The following GFRA1 variants were observed in gnomAD, a reference collection of about 807,000 sequenced individuals.
The protein encoded by GFRA1 is GDNF family receptor alpha-1.
A neutral mutation model predicts 51.6 loss-of-function variants in GFRA1; 16 were observed. The ratio of observed to expected loss-of-function variants is 0.31; its 90% CI spans 0.21 to 0.47. GFRA1 has a LOEUF of 0.47. Ranked by LOEUF, GFRA1 falls within the 20% of genes least tolerant of loss-of-function variation. The pLI, the probability that GFRA1 is intolerant of heterozygous loss-of-function variation, is 1.00. For missense variants in GFRA1, 530 were observed against 594.3 expected (o/e 0.89, Z 1.13); for synonymous variants, 270 against 241.3 (o/e 1.12, Z -1.10).
rs140274061 is a variant in GFRA1, at chr10:116,229,033, G to A, written c.419-17388C>T. On this transcript the variant is annotated intron_variant, in intron 4 of 10. Transcript: ENST00000355422. The stretch of plus-strand genomic sequence containing the variant: ...GAAAGGCAGGTGGCCTCTAGAAAAC[G>A]GAAAAGGCAAGGAGACAGATTCTCC... Among the ~76,000 whole-genome samples the A allele has an allele frequency of 7.2e-3, 997 of 138,320 alleles. 10 individuals carry two copies. The highest frequency in any genetic ancestry group is 0.019 in the Admixed American group (256 of 13,252). The allele number at this position is 138,320 out of a possible 152,430, so 90.7% of individuals were successfully genotyped here.
intron 5 of GFRA1, among the ~76,000 whole-genome samples, chr10:116,183,793 C>T (rs1011030357): frequency 6.6e-6 from 1 of 152,234 alleles, no homozygotes; most frequent in African/African-American, 2.4e-5. Flanking sequence ...CATCTCTGCC[C>T]ACTTACTGAT....
At chr10:116,109,659 C>G (rs542683992) in intron 6 of GFRA1, among the ~76,000 whole-genome samples, 1 of 152,244 alleles carries the variant, frequency 6.6e-6, no homozygotes, top group African/African-American at 2.4e-5. Flanking sequence ...TCCCCGGGCC[C>G]ACGGGGAGAA....
In GFRA1 at chr10:116,194,058, AT is replaced by A. The variant is rs1241557003; in HGVS notation, c.433+17572del. Among the ~76,000 whole-genome samples, 32 of 50,596 alleles carry A rather than the reference AT, an allele frequency of 6.3e-4. No homozygotes were observed. In the South Asian group the frequency reaches 0.011, roughly 17 times the overall value. 33.2% of individuals were successfully genotyped at this position (50,596 alleles called of 152,430 possible). On this transcript the variant is annotated intron_variant, in intron 5 of 10. Coordinates refer to ENST00000355422, the MANE Select transcript of GFRA1 (RefSeq NM_005264.8). ...CGTCTCAATAAAAAAAAATAAATAA[AT>A]AAAATTTAAAAAAAAAAAAAAAAGG...
chr10:116,160,966 C>T (rs1959711965), intron 5 of GFRA1, among the ~76,000 whole-genome samples: 1 of 152,196 alleles, frequency 6.6e-6, no homozygotes, highest in Non-Finnish European at 1.5e-5. Context: ...AAAGCAGAAA[C>T]CAGGACATAC....
At chr10:116,137,488 C>T (rs1417656004) in intron 5 of GFRA1, among the ~76,000 whole-genome samples, 2 of 152,190 alleles carry the variant, frequency 1.3e-5, no homozygotes, top group East Asian at 1.9e-4. Flanking sequence ...CCTTCACCTG[C>T]TTCCCAATTA....
intron 4 of GFRA1, among the ~76,000 whole-genome samples, chr10:116,239,105 A>C (rs1177121830): frequency 6.6e-6 from 1 of 152,234 alleles, no homozygotes; most frequent in Non-Finnish European, 1.5e-5. Context: ...CAATTAACGA[A>C]CAAAAATCTC....
chr10:116,178,408 C>T (rs1023457674), intron 5 of GFRA1, among the ~76,000 whole-genome samples: 4 of 152,108 alleles, frequency 2.6e-5, no homozygotes, highest in Non-Finnish European at 5.9e-5. Context: ...TGTCTCTTGG[C>T]CAGATGCCAA....
At chr10:116,238,602 C>G (rs1023001329) in intron 4 of GFRA1, among the ~76,000 whole-genome samples, 1 of 152,176 alleles carries the variant, frequency 6.6e-6, no homozygotes, top group Non-Finnish European at 1.5e-5. Flanking sequence ...GGATAATAAG[C>G]AATATTTATT....
intron 5 of GFRA1, among the ~76,000 whole-genome samples, chr10:116,189,948 G>A (rs3781545): frequency 0.15 from 22,273 of 151,940 alleles, 1,961 homozygotes; most frequent in Admixed American, 0.26. Context: ...AGCTCTCTAT[G>A]AGAAGACAAA....
intron 5 of GFRA1, among the ~76,000 whole-genome samples, chr10:116,151,818 C>CT (rs1959075777): frequency 6.6e-6 from 1 of 152,140 alleles, no homozygotes; most frequent in Non-Finnish European, 1.5e-5. Context: ...AGTTTAGATA[C>CT]TAGTGGAAGA....
chr10:116,159,031 C>T lies in GFRA1; in HGVS notation c.434-33474G>A, dbSNP rs560666804. ...AACGGTGCTTTACCATCCTCTAAGT[C>T]ATCAGGCGTGATACAGCCACATTTT... On this transcript the variant is annotated intron_variant, in intron 5 of 10. Coordinates refer to ENST00000355422, the MANE Select transcript of GFRA1 (RefSeq NM_005264.8). Among the ~76,000 whole-genome samples, 8 of 152,340 alleles carry T rather than the reference C, an allele frequency of 5.3e-5. No homozygotes were observed. The South Asian group carries it at 1.7e-3, about 32-fold the overall frequency.
At position 116,198,760 on chromosome 10, in the gene GFRA1, A is replaced by G. The variant is rs181140146; in HGVS notation, c.433+12871T>C. Among the ~76,000 whole-genome samples, 206 of 152,234 alleles carry G rather than the reference A, an allele frequency of 1.4e-3. 1 individual carries two copies. Among genetic ancestry groups the G allele is most frequent in the African/African-American group, 4.7e-3 (194 of 41,540 alleles). ...TGATGCTTCTCTTTTATTGTGGGCCACCCAGGTTGGCTGGTCATCCATCTG... is the reference window on the plus strand; with the variant it reads ...TGATGCTTCTCTTTTATTGTGGGCCGCCCAGGTTGGCTGGTCATCCATCTG... On this transcript the variant is annotated intron_variant, in intron 5 of 10. Coordinates refer to ENST00000355422, the MANE Select transcript of GFRA1 (RefSeq NM_005264.8).
chr10:116,213,891 A>G (rs193258083), intron 4 of GFRA1, among the ~76,000 whole-genome samples: 169 of 152,262 alleles, frequency 1.1e-3, no homozygotes, highest in African/African-American at 3.4e-3. Context: ...CAAAAACATC[A>G]CCATTTCTTT....
At chr10:116,147,396 G>A (rs1348623312) in intron 5 of GFRA1, among the ~76,000 whole-genome samples, 1 of 152,136 alleles carries the variant, frequency 6.6e-6, no homozygotes, top group Non-Finnish European at 1.5e-5. Flanking sequence ...ATTGGTTGGA[G>A]CTGGTGGTTC....
intron 5 of GFRA1, among the ~76,000 whole-genome samples, chr10:116,208,000 G>A (rs1964915884): frequency 6.6e-6 from 1 of 152,008 alleles, no homozygotes; most frequent in Non-Finnish European, 1.5e-5. Flanking sequence ...TTTTAAATGT[G>A]AATAAGACCA....
chr10:116,221,452 T>A (rs1178436489), intron 4 of GFRA1, among the ~76,000 whole-genome samples: 1 of 151,992 alleles, frequency 6.6e-6, no homozygotes, highest in Non-Finnish European at 1.5e-5. Flanking sequence ...AAAGACAGAG[T>A]CTCACTCTGT....
At chr10:116,124,509 G>C (rs939711294) in intron 6 of GFRA1, among the ~76,000 whole-genome samples, 1 of 152,184 alleles carries the variant, frequency 6.6e-6, no homozygotes. Context: ...GAGATTTCAG[G>C]CGTGAGCCAC....
At chr10:116,223,749 G>T (rs12570087) in intron 4 of GFRA1, among the ~76,000 whole-genome samples, 55,971 of 152,080 alleles carry the variant, frequency 0.37, 12,177 homozygotes, top group East Asian at 0.56. Flanking sequence ...TTGCAAAATA[G>T]AAGGGAAAGT....
At chr10:116,157,559 T>C (rs761554211) in intron 5 of GFRA1, among the ~76,000 whole-genome samples, 2 of 152,176 alleles carry the variant, frequency 1.3e-5, no homozygotes, top group Non-Finnish European at 2.9e-5. Flanking sequence ...GCTGTCCCCA[T>C]GCCTTGAACA....
Sources: allele counts gnomAD v4.1 joint callset (sites outside exome capture counted in the v4.1 genomes callset), GRCh38; gene constraint gnomAD v4.1.1; transcripts MANE v1.5; gene names NCBI Gene and HGNC (gene_info 2026-07-23, HGNC 2026-07-21).